PRR5: variants seen among roughly 807,000 people sequenced by gnomAD.
The protein encoded by PRR5 is proline-rich protein 5.
PRR5 carries 25 observed loss-of-function variants against 30.6 expected under a neutral mutation model. That is an observed-to-expected ratio of 0.82 (90% confidence interval 0.60 to 1.14). The LOEUF (loss-of-function observed/expected upper bound fraction) is 1.14, where lower values mean the gene tolerates loss of function less well. PRR5 is among the 50% of genes most tolerant of loss of function. The pLI, the probability that PRR5 is intolerant of heterozygous loss-of-function variation, is 0.00. For synonymous variants in PRR5, 286 were observed against 247.1 expected, an observed-to-expected ratio of 1.16 and a Z score of -1.48; for missense variants, 600 against 547.1, an observed-to-expected ratio of 1.10 and a Z score of -0.96.
chr22:44,690,229 G>A (rs916024630), intron 1 of PRR5, among the ~76,000 whole-genome samples: 15 of 152,114 alleles, frequency 9.9e-5, no homozygotes, highest in Non-Finnish European at 2.2e-4. Context: ...CACCGGATCA[G>A]GGATCCCCAG....
At chr22:44,722,493 C>T (rs1409588972) in intron 2 of PRR5, among the ~76,000 whole-genome samples, 2 of 152,346 alleles carry the variant, frequency 1.3e-5, no homozygotes, top group East Asian at 1.9e-4. Flanking sequence ...ACCTGAGTGC[C>T]GGTTCCCTCA....
Position 44,732,274 on chromosome 22 carries a change from G to A in PRR5, c.438G>A (p.Gln146=), listed in dbSNP as rs1298210311. Residue 146 remains glutamine, a synonymous_variant, in exon 6 of 8, where the codon CAG becomes CAA. Transcript: ENST00000336985. Reference sequence around the variant, plus strand: ...AGGGCAAGGAGCCATCGGTGCGCCAGCTGGCCCTGCTGCACTTCCGGAATG... The same window carrying A: ...AGGGCAAGGAGCCATCGGTGCGCCAACTGGCCCTGCTGCACTTCCGGAATG... ...PVQGKEPSVR[Q]LALLHFRNAI... 2 of 1,611,796 alleles carry A rather than the reference G, an allele frequency of 1.2e-6. No homozygotes were observed. Among genetic ancestry groups the A allele is most frequent in the African/African-American group, 2.7e-5 (2 of 74,886 alleles).
At chr22:44,732,946 TGCACACATACGC>T (rs1171080477) in intron 6 of PRR5, among the ~76,000 whole-genome samples, 245 of 102,392 alleles carry the variant, frequency 2.4e-3, no homozygotes, top group African/African-American at 6.1e-3. Flanking sequence ...TACACACGTG[TGCACACATACGC>T]GTGCACACGC....
intron 1 of PRR5, among the ~76,000 whole-genome samples, chr22:44,713,320 T>G (rs1602029849): frequency 1.3e-5 from 2 of 152,298 alleles, no homozygotes; most frequent in South Asian, 4.1e-4. Flanking sequence ...TGGGCTAGAC[T>G]TCCCGACCTC....
At position 44,709,403 on chromosome 22, in the gene PRR5, C is replaced by T. The variant is rs575642270; in HGVS notation, c.135-5188C>T. Among the ~76,000 whole-genome samples the T allele has an allele frequency of 1.1e-4, 16 of 152,198 alleles. No individual in the cohort carries two copies. The South Asian group carries it at 2.3e-3, about 22-fold the overall frequency. The stretch of plus-strand genomic sequence containing the variant: ...GGCACAGAGAGCTTGGAAGGTGTCA[C>T]GCTGCTGGCTGTGAAGATGGAGGAA... On this transcript the variant is annotated intron_variant, in intron 1 of 7. Coordinates refer to ENST00000336985, the MANE Select transcript of PRR5 (RefSeq NM_181333.4).
chr22:44,672,005 T>G (rs550184583), intron 1 of PRR5, among the ~76,000 whole-genome samples: 53 of 152,244 alleles, frequency 3.5e-4, no homozygotes, highest in Non-Finnish European at 5.3e-4. Context: ...CATAGTCTTG[T>G]AGTGCTGTGG....
chr22:44,726,313 G>A (rs946273435), intron 3 of PRR5, among the ~76,000 whole-genome samples: 1 of 152,230 alleles, frequency 6.6e-6, no homozygotes, highest in Non-Finnish European at 1.5e-5. Flanking sequence ...TGAGCCCAGT[G>A]CAAGGAGCTC....
At chr22:44,712,106 C>T (rs190580296) in intron 1 of PRR5, among the ~76,000 whole-genome samples, 1 of 152,148 alleles carries the variant, frequency 6.6e-6, no homozygotes, top group Non-Finnish European at 1.5e-5. Context: ...ACCAGCCTCT[C>T]CCCTGGGCTG....
At chr22:44,721,807 G>A (rs1037148662) in intron 2 of PRR5, among the ~76,000 whole-genome samples, 4 of 152,212 alleles carry the variant, frequency 2.6e-5, no homozygotes, top group African/African-American at 7.2e-5. Flanking sequence ...AGCAAGCACC[G>A]GGGCCTGCCC....
intron 1 of PRR5, among the ~76,000 whole-genome samples, chr22:44,682,035 C>T (rs1245188109): frequency 1.3e-5 from 2 of 152,194 alleles, no homozygotes; most frequent in African/African-American, 2.4e-5. Flanking sequence ...GAACCTGCTC[C>T]ACGCGGCCAT....
At chr22:44,708,053 G>A (rs1022194615) in intron 1 of PRR5, among the ~76,000 whole-genome samples, 3 of 152,112 alleles carry the variant, frequency 2.0e-5, no homozygotes, top group Non-Finnish European at 2.9e-5. Context: ...GGGAAACCTG[G>A]CCAGGCGTGG....
At chr22:44,736,240 G>A (rs565171898) in intron 7 of PRR5, among the ~76,000 whole-genome samples, 10 of 152,292 alleles carry the variant, frequency 6.6e-5, no homozygotes, top group South Asian at 4.1e-4. Context: ...CAGGCTCCCC[G>A]CATCCCCAGG....
chr22:44,700,640 G>A (rs541428075), upstream of PRR5, among the ~76,000 whole-genome samples: 60 of 152,294 alleles, frequency 3.9e-4, no homozygotes, highest in African/African-American at 1.4e-3. Context: ...AAAAGAAAAC[G>A]TGTACAGCAC....
intron 2 of PRR5, among the ~76,000 whole-genome samples, chr22:44,722,000 C>T (rs1013898151): frequency 5.3e-5 from 8 of 152,202 alleles, no homozygotes; most frequent in African/African-American, 1.9e-4. Flanking sequence ...AGGTTGAGGT[C>T]ACAGCTTGGT....
chr22:44,681,502 C>T (rs566759426), intron 1 of PRR5, among the ~76,000 whole-genome samples: 7 of 151,698 alleles, frequency 4.6e-5, no homozygotes, highest in African/African-American at 1.5e-4. Flanking sequence ...GCGGGAGAAT[C>T]GCTTGAAACC....
chr22:44,723,493 G>T (rs569716326), intron 2 of PRR5, among the ~76,000 whole-genome samples: 1 of 152,130 alleles, frequency 6.6e-6, no homozygotes, highest in African/African-American at 2.4e-5. Flanking sequence ...TCCGAGGCAG[G>T]TGGATCACCT....
chr22:44,736,845 C>A lies in PRR5; in HGVS notation c.765C>A (p.Tyr255Ter), dbSNP rs192702673. The change falls in exon 8 of 8, where the codon TAC becomes TAA. Residue 255 changes from tyrosine to a stop codon, truncating the protein, a stop_gained. Coordinates refer to ENST00000336985, the MANE Select transcript of PRR5 (RefSeq NM_181333.4). LOFTEE classifies it low-confidence loss of function (END_TRUNC). ...ACCCTGTGGTGCGCTCCAAGAGCTA[C>A]AACACGCCTCTGCTGAACCCCGTGC... The part of the protein sequence containing the change: ...AKNPVVRSKS[Y>*]NTPLLNPVQE... 2.5e-6 allele frequency: 4 copies of A among 1,603,620 alleles called. No homozygotes were observed. The African/African-American group carries it at 5.4e-5, about 21-fold the overall frequency.
intron 6 of PRR5, among the ~76,000 whole-genome samples, chr22:44,732,912 CTA>C (rs1216216647): frequency 7.7e-5 from 11 of 142,992 alleles, no homozygotes; most frequent in African/African-American, 2.5e-4. Context: ...CGCATACACA[CTA>C]CACACGTGCG....
chr22:44,721,034 T>C (rs1759235497), intron 2 of PRR5, among the ~76,000 whole-genome samples: 1 of 152,334 alleles, frequency 6.6e-6, no homozygotes, highest in South Asian at 2.1e-4. Context: ...GCACTCATCA[T>C]GGGCAGGGAG....
Sources: gnomAD v4.1 joint callset for allele counts (sites outside exome capture counted in the v4.1 genomes callset) on GRCh38, gnomAD v4.1.1 for gene constraint, MANE v1.5 for transcripts, NCBI Gene and HGNC (gene_info 2026-07-23, HGNC 2026-07-21) for gene names.